Variants in COBLL1 observed in about 807,000 individuals in gnomAD.
COBLL1 encodes cordon-bleu protein-like 1.
COBLL1 carries 50 observed loss-of-function variants against 94.8 expected under a neutral mutation model. The ratio of observed to expected loss-of-function variants is 0.53; its 90% CI spans 0.42 to 0.67. The LOEUF is 0.67. Among genes scored for constraint, COBLL1 ranks in the 30% least tolerant of loss-of-function variants. The pLI, the probability that COBLL1 is intolerant of heterozygous loss-of-function variation, is 0.00. For synonymous variants in COBLL1, 448 were observed against 473.8 expected (o/e 0.95, Z 0.71); for missense variants, 1,362 against 1,348.7 (o/e 1.01, Z -0.15).
chr2:164,691,975 T>C (rs774503272), intron 13 of COBLL1, among the ~76,000 whole-genome samples: 4 of 152,146 alleles, frequency 2.6e-5, no homozygotes, highest in African/African-American at 4.8e-5. Context: ...GTATTCTCTA[T>C]ATAGTTATGT....
In COBLL1 at chr2:164,665,565, G is replaced by C. The variant is rs75508473; in HGVS notation, n.181+282C>G. On this transcript the variant is annotated intron_variant and non_coding_transcript_variant, in intron 2 of 2. Coordinates refer to the COBLL1 transcript ENST00000495084. Reference sequence around the variant, plus strand: ...ATTTATTATCAATCTTTTCTAAAATGGCTAATTTGGAAAGAAAAAAGTTAC... The same window carrying C: ...ATTTATTATCAATCTTTTCTAAAATCGCTAATTTGGAAAGAAAAAAGTTAC... 7.3e-4 allele frequency among the ~76,000 whole-genome samples: 111 copies of C among 151,750 alleles called. 1 individual carries two copies. The East Asian group carries it at 0.02, about 27-fold the overall frequency.
At chr2:164,758,693 G>A (rs1471803010) in intron 2 of COBLL1, among the ~76,000 whole-genome samples, 1 of 152,042 alleles carries the variant, frequency 6.6e-6, no homozygotes, top group Non-Finnish European at 1.5e-5. Flanking sequence ...ACAAAAATAT[G>A]AGAAGAGAGA....
chr2:164,693,486 G>A (rs1179458770), intron 12 of COBLL1, among the ~76,000 whole-genome samples: 1 of 152,070 alleles, frequency 6.6e-6, no homozygotes, highest in Non-Finnish European at 1.5e-5. Flanking sequence ...AGTACACAAA[G>A]TATTTCTTTA....
At position 164,695,407 on chromosome 2, in the gene COBLL1, G is replaced by A. The variant is rs146983191; in HGVS notation, c.1985C>T (p.Thr662Ile). ...CGGATCTTCTGAATGTATAATTAGG[G>A]TGCCTTGACTCCTGAATTCCCTTGA... The part of the protein sequence containing the change: ...NTSREFRSQG[T>I]LIIHSEDPLT... Residue 662 changes from threonine to isoleucine, a missense_variant, in exon 12 of 14, where the codon ACC becomes ATC. Coordinates refer to ENST00000652658, the MANE Select transcript of COBLL1 (RefSeq NM_001365672.2). 3.7e-6 allele frequency: 6 copies of A among 1,613,708 alleles called. No homozygotes were observed. The African/African-American group carries it at 5.3e-5, about 14-fold the overall frequency.
chr2:164,763,928 G>A (rs1281910103), intron 2 of COBLL1, among the ~76,000 whole-genome samples: 2 of 152,080 alleles, frequency 1.3e-5, no homozygotes, highest in Admixed American at 6.5e-5. Context: ...ACAGGGTCTC[G>A]CTCTATCATC....
chr2:164,735,855 C>T (rs1027100852), intron 3 of COBLL1, among the ~76,000 whole-genome samples: 6 of 152,102 alleles, frequency 3.9e-5, no homozygotes, highest in African/African-American at 9.7e-5. Context: ...CAGGAGCACA[C>T]GTGAGCAGTC....
chr2:164,817,373 AAAAAAG>A (rs1684814346), intron 2 of COBLL1, among the ~76,000 whole-genome samples: 1 of 151,392 alleles, frequency 6.6e-6, no homozygotes, highest in African/African-American at 2.4e-5. Flanking sequence ...AAAAAAAAAA[AAAAAAG>A]AAGAAGAAGA....
At chr2:164,757,509 C>T (rs1687471274) in intron 2 of COBLL1, among the ~76,000 whole-genome samples, 1 of 152,028 alleles carries the variant, frequency 6.6e-6, no homozygotes, top group Non-Finnish European at 1.5e-5. Flanking sequence ...TACTGAGATA[C>T]AATTTACATA....
At chr2:164,805,303 C>A (rs1023754747) in intron 2 of COBLL1, among the ~76,000 whole-genome samples, 2 of 26,950 alleles carry the variant, frequency 7.4e-5, no homozygotes, top group African/African-American at 3.6e-4. Context: ...CTCTCTCTCT[C>A]TCTCTCTCTC....
At chr2:164,687,556 T>C in intron 13 of COBLL1, 1 of 1,259,964 alleles carries the variant, frequency 7.9e-7, no homozygotes, top group East Asian at 2.3e-5. Flanking sequence ...CACAGTGCCC[T>C]GGGGTTTTCC....
Position 164,743,875 on chromosome 2 carries a change from C to A in COBLL1, c.42G>T (p.Arg14Ser). Residue 14 changes from arginine (R) to serine (S), a missense_variant and splice_region_variant, in exon 3 of 14, where the codon AGG becomes AGT. Transcript: ENST00000652658. ...GTGGTGCCTTGGCTTTTGGTTTTCT[C>A]CTAAAATATAAAGAAAACACAAAAA... ...RTPRPQDAPARRKPKAKAPLP... is the reference protein window; with the variant it reads ...RTPRPQDAPASRKPKAKAPLP... 3.3e-6 allele frequency: 5 copies of A among 1,512,784 alleles called. No homozygotes were observed. Among genetic ancestry groups the A allele is most frequent in the Middle Eastern group, 1.8e-4 (1 of 5,596 alleles). The allele number at this position is 1,512,784 out of a possible 1,614,324, so 93.7% of individuals were successfully genotyped here.
chr2:164,699,189 T>C (rs896423154), intron 11 of COBLL1, among the ~76,000 whole-genome samples: 2 of 151,942 alleles, frequency 1.3e-5, no homozygotes, highest in African/African-American at 2.4e-5. Context: ...CTTACCGTAG[T>C]AGTTGTGAGA....
chr2:164,674,522 TTCC>T (rs1469428881), intron 1 of COBLL1, among the ~76,000 whole-genome samples: 1 of 152,220 alleles, frequency 6.6e-6, no homozygotes, highest in Non-Finnish European at 1.5e-5. Flanking sequence ...GTTCCTCAGC[TTCC>T]TCATTTATAA....
intron 1 of COBLL1, among the ~76,000 whole-genome samples, chr2:164,667,924 A>G (rs1281542727): frequency 6.6e-6 from 1 of 151,022 alleles, no homozygotes; most frequent in African/African-American, 2.4e-5. Flanking sequence ...GCTGTTTGGT[A>G]TAATAAGCCT....
At chr2:164,660,107 G>C (rs1691045917) in intron 2 of COBLL1, among the ~76,000 whole-genome samples, 1 of 152,148 alleles carries the variant, frequency 6.6e-6, no homozygotes, top group African/African-American at 2.4e-5. Flanking sequence ...CCTAGGACTG[G>C]AAACTGGGAT....
intron 2 of COBLL1, among the ~76,000 whole-genome samples, chr2:164,826,381 T>A (rs541026902): frequency 1.0e-3 from 159 of 152,320 alleles, no homozygotes; most frequent in African/African-American, 3.8e-3. Flanking sequence ...GAGAGGCAAA[T>A]GAGAACAGGG....
intron 2 of COBLL1, among the ~76,000 whole-genome samples, chr2:164,784,743 C>G (rs891275760): frequency 2.0e-5 from 3 of 152,058 alleles, no homozygotes; most frequent in Admixed American, 1.3e-4. Context: ...ATCTGTTTCC[C>G]TTTACACTGT....
chr2:164,803,303 C>T (rs771293314), intron 2 of COBLL1, among the ~76,000 whole-genome samples: 9 of 152,082 alleles, frequency 5.9e-5, no homozygotes, highest in African/African-American at 7.2e-5. Context: ...CGGTGGCTCA[C>T]GCCTGTAATC....
chr2:164,789,259 CATG>C (rs1416172277), intron 2 of COBLL1, among the ~76,000 whole-genome samples: 12 of 152,036 alleles, frequency 7.9e-5, no homozygotes, highest in African/African-American at 2.9e-4. Context: ...TAATAGAGAT[CATG>C]ATGATAGAAG....
Sources: gnomAD v4.1 joint callset for allele counts (sites outside exome capture counted in the v4.1 genomes callset) on GRCh38, gnomAD v4.1.1 for gene constraint, MANE v1.5 for transcripts, NCBI Gene and HGNC (gene_info 2026-07-23, HGNC 2026-07-21) for gene names.